The following MYH8 variants were observed in gnomAD, a reference collection of about 807,000 sequenced individuals.
MYH8 encodes the protein myosin-8.
Under a neutral mutation model 233.2 loss-of-function variants are expected in MYH8, and 168 were observed. The ratio of observed to expected loss-of-function variants is 0.72; its 90% CI spans 0.64 to 0.82. The LOEUF is 0.82. Ranked by LOEUF, MYH8 falls within the 40% of genes least tolerant of loss-of-function variation. The probability of loss-of-function intolerance (pLI) is 0.00; values close to 1 mark genes in which losing one functional copy is unlikely to be tolerated. For missense variants in MYH8, 1,995 were observed against 2,327.8 expected, an observed-to-expected ratio of 0.86 and a Z score of 2.94; for synonymous variants, 785 against 850.6, an observed-to-expected ratio of 0.92 and a Z score of 1.34.
In MYH8 at chr17:10,396,512, TC is replaced by T. The variant is rs767441812; in HGVS notation, c.4528+40del. ...GAAAGATGGCAACATGGAAAGGTCC[TC>T]CCAGGGATATATGGAGTAGGGAGGA... On this transcript the variant is annotated intron_variant, in intron 32 of 39. Transcript: ENST00000403437. The surrounding 1 kb of genome is among the most constrained non-coding windows in gnomAD (Gnocchi z 4.2). The T allele has an allele frequency of 2.5e-6, 4 of 1,613,818 alleles. No individual in the cohort carries two copies. Among genetic ancestry groups the T allele is most frequent in the Non-Finnish European group, 3.4e-6 (4 of 1,179,902 alleles).
chr17:10,419,832 C>G lies in MYH8; in HGVS notation c.210+186G>C, dbSNP rs549564354. ...ATACATAGTGGGGTGAGGTCCTGTG[C>G]GAAGTTGGGAAGGGAAGACATGAAG... On this transcript the variant is annotated intron_variant, in intron 3 of 39. Transcript: ENST00000403437. This position sits in a 1 kb window ranked among gnomAD's most constrained non-coding sequence, Gnocchi z 4.0. Among the ~76,000 whole-genome samples, 74 of 152,192 alleles carry G rather than the reference C, an allele frequency of 4.9e-4. No homozygotes were observed. The highest frequency in any genetic ancestry group is 1.7e-3 in the African/African-American group (71 of 41,518).
rs779923682 is a variant in MYH8 at position 10,406,095 on chromosome 17, G to T, written c.2378C>A (p.Ala793Asp). Residue 793 changes from alanine to aspartate, a missense_variant, in exon 21 of 40, where the codon GCT becomes GAT. Ala to Asp is a moderately radical substitution (Grantham distance 126). Around this residue, in one of 3 missense-constraint regions of MYH8, gnomAD observed 1,498 missense variants for 1,680.9 expected, o/e 0.89. Transcript: ENST00000403437. ...KLAQIITRTQ[A>D]VCRGFLMRVE... ...CCTCATTAGGAATCCCCTACAGACA[G>T]CTTGTGTTCTTGTTATAATTTGGGC... is the stretch of plus-strand genomic sequence containing the variant. 6.2e-7 allele frequency: 1 copy of T among 1,614,010 alleles called. No homozygotes were observed. Among genetic ancestry groups the T allele is most frequent in the Non-Finnish European group, 8.5e-7 (1 of 1,179,994 alleles).
rs761715060 is a variant in MYH8, at chr17:10,418,695, G to A, written c.461C>T (p.Pro154Leu). The A allele has an allele frequency of 1.4e-5, 22 of 1,613,868 alleles. No individual in the cohort carries two copies. Among genetic ancestry groups the A allele is most frequent in the South Asian group, 8.8e-5 (8 of 91,066 alleles). ...GTCAGAGATGGAGAAGATGTGGGGCGGGGCCTCCTGGCGCTTTTTGCCTCT... is the reference window on the plus strand; with the variant it reads ...GTCAGAGATGGAGAAGATGTGGGGCAGGGCCTCCTGGCGCTTTTTGCCTCT... ...AYRGKKRQEA[P>L]PHIFSISDNA... The change falls in exon 5 of 40, where the codon CCG becomes CTG. Residue 154 changes from proline (P) to leucine (L), a missense_variant. Pro to Leu is a moderately conservative substitution (Grantham distance 98). Around this residue, in one of 3 missense-constraint regions of MYH8, gnomAD observed 479 missense variants for 600.9 expected, o/e 0.80. Coordinates refer to ENST00000403437, the MANE Select transcript of MYH8 (RefSeq NM_002472.3).
chr17:10,394,220 C>G, intron 35 of MYH8, 29 bp downstream of exon 35: 1 of 1,613,626 alleles, frequency 6.2e-7, no homozygotes, highest in Non-Finnish European at 8.5e-7. Flanking sequence ...TACCAGTACA[C>G]CAGCATTTGT....
At chr17:10,416,501 C>T (rs533208173) in intron 5 of MYH8, among the ~76,000 whole-genome samples, 4 of 152,098 alleles carry the variant, frequency 2.6e-5, no homozygotes, top group African/African-American at 4.8e-5. Context: ...TACTGTAATT[C>T]TATTTCTAAT....
intron 33 of MYH8, among the ~76,000 whole-genome samples, chr17:10,395,790 A>T (rs2142169954): frequency 6.6e-6 from 1 of 152,276 alleles, no homozygotes; most frequent in South Asian, 2.1e-4. Flanking sequence ...TATCAGTTTT[A>T]AAATGTTAAT....
chr17:10,409,215 A>G, intron 16 of MYH8, 51 bp from the exon 17 acceptor site: 1 of 1,613,276 alleles, frequency 6.2e-7, no homozygotes, highest in Non-Finnish European at 8.5e-7. Context: ...AGAGGCTTAT[A>G]TGAACATGTA....
rs777536806 is a variant in MYH8, at chr17:10,414,226, C to T, written c.974G>A (p.Ser325Asn). 1 of 1,614,154 alleles carries T rather than the reference C, an allele frequency of 6.2e-7. No homozygotes were observed. Among genetic ancestry groups the T allele is most frequent in the Non-Finnish European group, 8.5e-7 (1 of 1,180,016 alleles). Residue 325 changes from serine (S) to asparagine (N), a missense_variant, in exon 11 of 40, where the codon AGT becomes AAT. By Grantham distance (46) the Ser-to-Asn change is conservative (BLOSUM62 1). Coordinates refer to ENST00000403437, the MANE Select transcript of MYH8 (RefSeq NM_002472.3). ...FVSQGEITVP[S>N]IDDQEELMAT... ...CATCAACTCTTCTTGGTCATCAATA[C>T]TGGGAACTGTGATCTCCCCCTGACT...
In MYH8 at chr17:10,401,041, C is replaced by G. The variant is rs772911417; in HGVS notation, c.3254+5G>C. 1.2e-6 allele frequency: 2 copies of G among 1,613,954 alleles called. No individual in the cohort carries two copies. Among genetic ancestry groups the G allele is most frequent in the Non-Finnish European group, 8.5e-7 (1 of 1,180,016 alleles). Reference sequence around the variant, plus strand: ...CATAGAAGTTTTTTTCTAAAAGGCTCCTACTTTTCAAGCTTTTCATCAAGT... The same window carrying G: ...CATAGAAGTTTTTTTCTAAAAGGCTGCTACTTTTCAAGCTTTTCATCAAGT... On this transcript the variant is annotated splice_donor_5th_base_variant and intron_variant, in intron 25 of 39. Coordinates refer to ENST00000403437, the MANE Select transcript of MYH8 (RefSeq NM_002472.3).
intron 17 of MYH8, among the ~76,000 whole-genome samples, chr17:10,407,611 C>T (rs575295130): frequency 9.9e-5 from 15 of 151,992 alleles, no homozygotes; most frequent in African/African-American, 2.9e-4. Flanking sequence ...GAGGCCAAAG[C>T]GGGCGGATCA....
Position 10,400,788 on chromosome 17 carries a change from G to A in MYH8, c.3346-9C>T, listed in dbSNP as rs535661335. 61 of 1,613,932 alleles carry A rather than the reference G, an allele frequency of 3.8e-5. No individual in the cohort carries two copies. In the African/African-American group the frequency reaches 7.2e-4, roughly 19 times the overall value. The stretch of plus-strand genomic sequence containing the variant: ...AGCTCCTCAATGCGGGCCTGGGAAT[G>A]AAAGAAGCACATAAACATAAACTCA... On this transcript the variant is annotated splice_polypyrimidine_tract_variant and intron_variant, in intron 26 of 39. Coordinates refer to ENST00000403437, the MANE Select transcript of MYH8 (RefSeq NM_002472.3). This position sits in a 1 kb window ranked among gnomAD's most constrained non-coding sequence, Gnocchi z 4.0.
intron 21 of MYH8, 67 bp from the exon 22 acceptor site, chr17:10,404,652 A>G: frequency 6.3e-7 from 1 of 1,593,258 alleles, no homozygotes; most frequent in East Asian, 2.2e-5. Flanking sequence ...TACTTATCAC[A>G]CACAAATTTC....
At chr17:10,413,434 A>G (rs748285113) in intron 12 of MYH8, among the ~76,000 whole-genome samples, 8 of 152,078 alleles carry the variant, frequency 5.3e-5, no homozygotes, top group Non-Finnish European at 1.0e-4. Context: ...TTTAACTCTT[A>G]CTTGCTGCCT....
Position 10,390,346 on chromosome 17 carries a change from TTTTA to T in MYH8, c.*104_*107del. On this transcript the variant is annotated 3_prime_UTR_variant, in exon 40 of 40. Coordinates refer to ENST00000403437, the MANE Select transcript of MYH8 (RefSeq NM_002472.3). ...GTTTAATGTATACATTTACTGTAGT[TTTTA>T]TTTATTCAGCTTTAACAGGAAAATA... The T allele has an allele frequency of 2.1e-6, 3 of 1,442,886 alleles. No individual in the cohort carries two copies. The South Asian group carries it at 3.5e-5, about 17-fold the overall frequency. 89.4% of individuals were successfully genotyped at this position (1,442,886 alleles called of 1,614,324 possible). A position where few individuals can be genotyped will look rare whatever the true frequency, so the allele number is the denominator to read the frequency against.
Position 10,404,551 on chromosome 17 carries a change from C to T in MYH8, c.2467G>A (p.Ala823Thr), listed in dbSNP as rs1004863060. 1 of 1,613,928 alleles carries T rather than the reference C, an allele frequency of 6.2e-7. No individual in the cohort carries two copies. Among genetic ancestry groups the T allele is most frequent in the East Asian group, 2.2e-5 (1 of 44,884 alleles). The change falls in exon 22 of 40, where the codon GCC (alanine) becomes ACC (threonine). Residue 823 changes from alanine to threonine, a missense_variant. Physicochemically the swap from Ala to Thr is moderately conservative, Grantham distance 58. Coordinates refer to ENST00000403437, the MANE Select transcript of MYH8 (RefSeq NM_002472.3). ...ALFCIQYNVR[A>T]FMNVKHWPWM... ...GGCCAGTGCTTGACGTTCATGAAGG[C>T]ACGGACATTATACTGGATGCAGAAA... is the stretch of plus-strand genomic sequence containing the variant.
Position 10,418,635 on chromosome 17 carries a change from A to T in MYH8, c.511+10T>A. 1 of 1,613,834 alleles carries T rather than the reference A, an allele frequency of 6.2e-7. No individual in the cohort carries two copies. Among genetic ancestry groups the T allele is most frequent in the Non-Finnish European group, 8.5e-7 (1 of 1,179,862 alleles). On this transcript the variant is annotated intron_variant, in intron 5 of 39. Coordinates refer to ENST00000403437, the MANE Select transcript of MYH8 (RefSeq NM_002472.3). ...ACACATTTCTGTAAATAGATGCCTC[A>T]CTCACTCACCAGTCAACATGAACTG...
intron 15 of MYH8, 126 bp downstream of exon 15, chr17:10,410,651 A>C (rs1255772455): frequency 6.8e-7 from 1 of 1,462,692 alleles, no homozygotes; most frequent in Non-Finnish European, 9.6e-7. Context: ...AGTAATTTCT[A>C]AATAGTAATT....
In MYH8 at chr17:10,398,994, G is replaced by GTATATATATA. The variant is rs71365759; in HGVS notation, c.3863-118_3863-109dup. 5.5e-4 allele frequency: 172 copies of GTATATATATA among 312,712 alleles called. 1 individual carries two copies. The highest frequency in any genetic ancestry group is 1.1e-3 in the Middle Eastern group (1 of 894). 19.4% of individuals were successfully genotyped at this position (312,712 alleles called of 1,614,324 possible). ...TATATATATGTATATATGTGTGTGT[G>GTATATATATA]TATATATATATATATATATATATAC... On this transcript the variant is annotated intron_variant, in intron 28 of 39. Transcript: ENST00000403437.
At position 10,414,306 on chromosome 17, in the gene MYH8, G is replaced by A; in HGVS notation, c.905-11C>T. On this transcript the variant is annotated splice_polypyrimidine_tract_variant and intron_variant, in intron 10 of 39. Transcript: ENST00000403437. Reference sequence around the variant, plus strand: ...TGATCAGGAGCATTTCTGGGTCACAGAATTCAGGGCATACATTTTACATTA... The same window carrying A: ...TGATCAGGAGCATTTCTGGGTCACAAAATTCAGGGCATACATTTTACATTA... 1 of 1,611,888 alleles carries A rather than the reference G, an allele frequency of 6.2e-7. No individual in the cohort carries two copies. The highest frequency in any genetic ancestry group is 8.5e-7 in the Non-Finnish European group (1 of 1,177,976).
Sources: allele counts gnomAD v4.1 joint callset (sites outside exome capture counted in the v4.1 genomes callset), GRCh38; gene constraint gnomAD v4.1.1; regional missense constraint gnomAD v4.1.1; non-coding constraint Gnocchi (gnomAD v3.1); transcripts MANE v1.5; gene names NCBI Gene and HGNC (gene_info 2026-07-23, HGNC 2026-07-21).